The following SLC44A1 variants were observed in gnomAD, a reference collection of about 807,000 sequenced individuals.
The protein encoded by SLC44A1 is choline transporter-like protein 1.
A neutral mutation model predicts 79.3 loss-of-function variants in SLC44A1; 26 were observed. The observed-to-expected ratio is 0.33, with a 90% CI of 0.24 to 0.46. The LOEUF is 0.46. SLC44A1 is among the 20% of genes least tolerant of loss of function. The pLI is 1.00. For missense variants in SLC44A1, 688 were observed against 798.1 expected (o/e 0.86, Z 1.66); for synonymous variants, 263 against 286.2 (o/e 0.92, Z 0.82).
intron 1 of SLC44A1, among the ~76,000 whole-genome samples, chr9:105,258,519 A>C (rs1829763374): frequency 6.6e-6 from 1 of 152,216 alleles, no homozygotes; most frequent in East Asian, 1.9e-4. Context: ...CTTGACTAGG[A>C]TCGCCCAAGT....
intron 15 of SLC44A1, among the ~76,000 whole-genome samples, chr9:105,414,235 G>A (rs1829137833): frequency 6.6e-6 from 1 of 151,894 alleles, no homozygotes; most frequent in African/African-American, 2.4e-5. Flanking sequence ...CTAATTTTTT[G>A]TAGTAGAGAT....
rs571259132 is a variant in SLC44A1 at position 105,272,238 on chromosome 9, G to C, written c.37-26982G>C. The stretch of plus-strand genomic sequence containing the variant: ...TTAATTGTACACCTTATATGAGTCT[G>C]TACTGTAGATATTCATTTTTTTGTC... On this transcript the variant is annotated intron_variant, in intron 1 of 15. Coordinates refer to ENST00000374720, the MANE Select transcript of SLC44A1 (RefSeq NM_080546.5). Among the ~76,000 whole-genome samples, 7 of 152,246 alleles carry C rather than the reference G, an allele frequency of 4.6e-5. No individual in the cohort carries two copies. In the East Asian group the frequency reaches 1.2e-3, roughly 25 times the overall value.
chr9:105,389,209 CAG>C lies in SLC44A1; in HGVS notation c.*157_*158del. 7.5e-7 allele frequency: 1 copy of C among 1,338,694 alleles called. No individual in the cohort carries two copies. The highest frequency in any genetic ancestry group is 1.5e-5 in the African/African-American group (1 of 67,864). The allele number at this position is 1,338,694 out of a possible 1,614,324, so 82.9% of individuals were successfully genotyped here. A position where few individuals can be genotyped will look rare whatever the true frequency, so the allele number is the denominator to read the frequency against. On this transcript the variant is annotated 3_prime_UTR_variant, in exon 16 of 16. Coordinates refer to ENST00000374720, the MANE Select transcript of SLC44A1 (RefSeq NM_080546.5). The stretch of plus-strand genomic sequence containing the variant: ...CACACACACATAAATCAGCCAAAAT[CAG>C]AGAAAAGGAACAGGGATTTAATACC...
At chr9:105,429,069 T>C (rs1281329780) in intron 15 of SLC44A1, among the ~76,000 whole-genome samples, 1 of 152,216 alleles carries the variant, frequency 6.6e-6, no homozygotes, top group Non-Finnish European at 1.5e-5. Context: ...CTTCAAACTT[T>C]TAATGAGTTA....
Position 105,390,307 on chromosome 9 carries a change from G to C in SLC44A1, c.*1251G>C. Reference sequence around the variant, plus strand: ...GTGTAATTTGCTAAGAATAATTCATGATCTGTTTATGCGATAACTCCTTTT... The same window carrying C: ...GTGTAATTTGCTAAGAATAATTCATCATCTGTTTATGCGATAACTCCTTTT... On this transcript the variant is annotated 3_prime_UTR_variant, in exon 16 of 16. Coordinates refer to ENST00000374720, the MANE Select transcript of SLC44A1 (RefSeq NM_080546.5). The C allele has an allele frequency of 1.0e-6, 1 of 995,548 alleles. No homozygotes were observed. Among genetic ancestry groups the C allele is most frequent in the Non-Finnish European group, 1.2e-6 (1 of 836,470 alleles). The allele number at this position is 995,548 out of a possible 1,614,324, so 61.7% of individuals were successfully genotyped here.
chr9:105,313,577 T>A (rs1831237497), intron 3 of SLC44A1, among the ~76,000 whole-genome samples: 1 of 152,178 alleles, frequency 6.6e-6, no homozygotes. Context: ...CTTTGTTCCT[T>A]GCTGGCTGCC....
intron 4 of SLC44A1, among the ~76,000 whole-genome samples, chr9:105,339,149 G>A (rs927931460): frequency 5.9e-5 from 9 of 152,126 alleles, no homozygotes; most frequent in Admixed American, 3.3e-4. Flanking sequence ...AATCAACAGA[G>A]TGAAAAGTCA....
intron 15 of SLC44A1, among the ~76,000 whole-genome samples, chr9:105,405,092 G>T (rs1050314863): frequency 6.6e-6 from 1 of 152,114 alleles, no homozygotes; most frequent in Non-Finnish European, 1.5e-5. Context: ...GGCCAAGGCG[G>T]GTGGATCACT....
intron 2 of SLC44A1, 75 bp from the exon 3 acceptor site, chr9:105,309,649 T>C: frequency 7.3e-7 from 1 of 1,360,746 alleles, no homozygotes; most frequent in Non-Finnish European, 1.0e-6. Flanking sequence ...AAAAAGAAGC[T>C]CATTATCGTA....
intron 1 of SLC44A1, among the ~76,000 whole-genome samples, chr9:105,267,520 A>C (rs1025063476): frequency 6.6e-6 from 1 of 152,150 alleles, no homozygotes; most frequent in African/African-American, 2.4e-5. Flanking sequence ...TCCACAATGC[A>C]ATAGATTTCC....
rs150101975 is a variant in SLC44A1 at position 105,364,193 on chromosome 9, T to C, written c.1088-362T>C. On this transcript the variant is annotated intron_variant, in intron 9 of 15. Coordinates refer to ENST00000374720, the MANE Select transcript of SLC44A1 (RefSeq NM_080546.5). ...AGCACACACACTTAGCAACTGAATA[T>C]AATAATAATTTCTGTACTTTGCTAA... Among the ~76,000 whole-genome samples the C allele has an allele frequency of 2.0e-4, 30 of 152,326 alleles. No homozygotes were observed. In the East Asian group the frequency reaches 5.4e-3, roughly 27 times the overall value.
At chr9:105,351,496 G>C (rs2131386407) in intron 5 of SLC44A1, among the ~76,000 whole-genome samples, 1 of 150,580 alleles carries the variant, frequency 6.6e-6, no homozygotes, top group Middle Eastern at 3.4e-3. Context: ...TTGTGCCACT[G>C]CACTCCAGCC....
rs1463544682 is a variant in SLC44A1 at position 105,268,601 on chromosome 9, TC to T, written c.36+23698del. 5.9e-5 allele frequency among the ~76,000 whole-genome samples: 9 copies of T among 152,196 alleles called. No homozygotes were observed. In the East Asian group the frequency reaches 1.5e-3, roughly 26 times the overall value. ...TCACTGCAACCTCCACCTCCTGGGTTCAAGCAATTCTGCCTCAGCCTCCCGA... is the reference window on the plus strand; with the variant it reads ...TCACTGCAACCTCCACCTCCTGGGTTAAGCAATTCTGCCTCAGCCTCCCGA... On this transcript the variant is annotated intron_variant, in intron 1 of 15. Transcript: ENST00000374720.
Position 105,390,694 on chromosome 9 carries a change from A to G in SLC44A1, c.*1638A>G, listed in dbSNP as rs1828744118. 2.0e-6 allele frequency: 2 copies of G among 985,654 alleles called. No homozygotes were observed. The highest frequency in any genetic ancestry group is 5.2e-4 in the Middle Eastern group (1 of 1,912). 61.1% of individuals were successfully genotyped at this position (985,654 alleles called of 1,614,324 possible). A position where few individuals can be genotyped will look rare whatever the true frequency, so the allele number is the denominator to read the frequency against. ...TGTTCTTTACTCTAGCTAGGCTAAA[A>G]TTTGCTAAATGCCTTGGTTTCTTTT... On this transcript the variant is annotated 3_prime_UTR_variant, in exon 16 of 16. Transcript: ENST00000374720.
chr9:105,356,548 G>A (rs1297450270), intron 6 of SLC44A1, among the ~76,000 whole-genome samples, 167 bp downstream of exon 6: 14 of 152,088 alleles, frequency 9.2e-5, no homozygotes, highest in Admixed American at 9.2e-4. Context: ...GTACATATAA[G>A]TATGTATATA....
At chr9:105,278,608 T>TGAC (rs1830271271) in intron 1 of SLC44A1, among the ~76,000 whole-genome samples, 1 of 152,008 alleles carries the variant, frequency 6.6e-6, no homozygotes, top group Admixed American at 6.6e-5. Flanking sequence ...CTCGAACTCC[T>TGAC]GACCTCAAAT....
chr9:105,350,839 C>T (rs952212710), intron 5 of SLC44A1, among the ~76,000 whole-genome samples: 3 of 152,190 alleles, frequency 2.0e-5, no homozygotes, highest in African/African-American at 4.8e-5. Flanking sequence ...TCCTTTGGCC[C>T]ATCTTTCTTG....
intron 15 of SLC44A1, among the ~76,000 whole-genome samples, chr9:105,433,231 G>A (rs1033676678): frequency 6.6e-6 from 1 of 152,160 alleles, no homozygotes; most frequent in African/African-American, 2.4e-5. Context: ...AGGAGGTGGA[G>A]GTTGCAGTGA....
intron 15 of SLC44A1, among the ~76,000 whole-genome samples, chr9:105,405,711 G>A (rs1022008867): frequency 3.3e-5 from 5 of 152,232 alleles, no homozygotes; most frequent in African/African-American, 1.2e-4. Context: ...CAACTCAGGG[G>A]TTTATCTTTG....
Sources: allele counts gnomAD v4.1 joint callset (sites outside exome capture counted in the v4.1 genomes callset), GRCh38; gene constraint gnomAD v4.1.1; transcripts MANE v1.5; gene names NCBI Gene and HGNC (gene_info 2026-07-23, HGNC 2026-07-21).